Variants in TRPM8 observed in about 807,000 individuals in gnomAD.
The protein encoded by TRPM8 is TRPM8 cationic channel.
In TRPM8, 110 loss-of-function variants were observed where a neutral mutation model predicts 133.7. The ratio of observed to expected loss-of-function variants is 0.82; its 90% CI spans 0.70 to 0.96. The LOEUF is 0.96. Ranked by LOEUF, TRPM8 falls within the 40% of genes least tolerant of loss-of-function variation. The probability of loss-of-function intolerance (pLI) is 0.00; values close to 1 mark genes in which losing one functional copy is unlikely to be tolerated. For missense variants in TRPM8, 1,291 were observed against 1,379.5 expected, an observed-to-expected ratio of 0.94 and a Z score of 1.02; for synonymous variants, 535 against 532.3, an observed-to-expected ratio of 1.01 and a Z score of -0.07.
At chr2:233,937,236 G>A (rs1690775767) in intron 3 of TRPM8, 117 bp from the exon 4 acceptor site, 2 of 1,294,846 alleles carry the variant, frequency 1.5e-6, no homozygotes, top group Non-Finnish European at 2.1e-6. Flanking sequence ...GATGAAAACA[G>A]TCTGAAAATA....
intron 21 of TRPM8, among the ~76,000 whole-genome samples, chr2:233,990,192 A>G (rs1193493693): frequency 6.6e-6 from 1 of 152,270 alleles, no homozygotes; most frequent in Non-Finnish European, 1.5e-5. Flanking sequence ...GCACAGGTTC[A>G]AGTGCTTTAC....
chr2:233,970,916 T>C (rs1477105391), intron 17 of TRPM8, among the ~76,000 whole-genome samples: 1 of 152,178 alleles, frequency 6.6e-6, no homozygotes, highest in Non-Finnish European at 1.5e-5. Flanking sequence ...TTTCTGCAGT[T>C]TCTTGGGACC....
At chr2:233,995,048 T>C (rs984314138) in intron 21 of TRPM8, among the ~76,000 whole-genome samples, 14 of 152,228 alleles carry the variant, frequency 9.2e-5, no homozygotes, top group African/African-American at 2.9e-4. Flanking sequence ...GCTTAAAACA[T>C]TTCCTGCTCC....
At chr2:233,928,975 TA>T (rs1196134038) in intron 2 of TRPM8, among the ~76,000 whole-genome samples, 11 of 151,662 alleles carry the variant, frequency 7.3e-5, no homozygotes, top group Non-Finnish European at 1.6e-4. Flanking sequence ...GTACTATGAG[TA>T]TTTTTTTGTG....
intron 6 of TRPM8, among the ~76,000 whole-genome samples, chr2:233,945,634 A>G (rs1691022051): frequency 6.6e-6 from 1 of 152,206 alleles, no homozygotes. Context: ...CATTTATGAG[A>G]AAATGAGCAC....
rs1692229516 is a variant in TRPM8, at chr2:233,989,783, T to C, written c.2939+3918T>C. On this transcript the variant is annotated intron_variant, in intron 21 of 25. Transcript: ENST00000324695. This position sits in a 1 kb window ranked among gnomAD's most constrained non-coding sequence, Gnocchi z 4.2. ...TGGATGTGAACATCTGTGATTATTCTACATTAAAATTATCGATCACAGGGC... is the reference window on the plus strand; with the variant it reads ...TGGATGTGAACATCTGTGATTATTCCACATTAAAATTATCGATCACAGGGC... Among the ~76,000 whole-genome samples, 1 of 152,210 alleles carries C rather than the reference T, an allele frequency of 6.6e-6. No homozygotes were observed. The highest frequency in any genetic ancestry group is 2.4e-5 in the African/African-American group (1 of 41,456).
intron 11 of TRPM8, among the ~76,000 whole-genome samples, chr2:233,959,848 C>T (rs1050715468): frequency 6.6e-6 from 1 of 151,992 alleles, no homozygotes; most frequent in Non-Finnish European, 1.5e-5. Context: ...GTGGTGTGAT[C>T]TTGGCTCACT....
At chr2:233,932,399 G>T (rs975120057) in intron 3 of TRPM8, among the ~76,000 whole-genome samples, 1 of 152,182 alleles carries the variant, frequency 6.6e-6, no homozygotes, top group African/African-American at 2.4e-5. Flanking sequence ...GGCTCTTAAT[G>T]GTCTTGCTTG....
intron 22 of TRPM8, among the ~76,000 whole-genome samples, chr2:234,002,537 G>A (rs1240991705): frequency 6.6e-6 from 1 of 152,206 alleles, no homozygotes; most frequent in South Asian, 2.1e-4. Flanking sequence ...CCCAGGGCTG[G>A]TGTGGGGAGA....
chr2:233,983,746 T>C (rs1441918526), intron 20 of TRPM8, among the ~76,000 whole-genome samples: 1 of 152,212 alleles, frequency 6.6e-6, no homozygotes, highest in African/African-American at 2.4e-5. Context: ...ATGTAAATTG[T>C]GTGTTTTGGA....
intron 17 of TRPM8, among the ~76,000 whole-genome samples, chr2:233,976,656 G>A (rs1051953009): frequency 6.6e-6 from 1 of 152,088 alleles, no homozygotes; most frequent in Non-Finnish European, 1.5e-5. Flanking sequence ...TTTTAAGAAC[G>A]ATCTTTGAGT....
chr2:234,001,449 A>G lies in TRPM8; in HGVS notation c.3130+4933A>G, dbSNP rs28948676. Among the ~76,000 whole-genome samples, 839 of 123,570 alleles carry G rather than the reference A, an allele frequency of 6.8e-3. 6 individuals are homozygous for G. Among genetic ancestry groups the G allele is most frequent in the African/African-American group, 0.024 (800 of 33,736 alleles). The allele number at this position is 123,570 out of a possible 152,430, so 81.1% of individuals were successfully genotyped here. A position where few individuals can be genotyped will look rare whatever the true frequency, so the allele number is the denominator to read the frequency against. On this transcript the variant is annotated intron_variant, in intron 22 of 25. Coordinates refer to ENST00000324695, the MANE Select transcript of TRPM8 (RefSeq NM_024080.5). Reference sequence around the variant, plus strand: ...CATAAAATGTCTAAGTAGGGGAACAAAAGTTAGAAAGGAACATCATTGAGT... The same window carrying G: ...CATAAAATGTCTAAGTAGGGGAACAGAAGTTAGAAAGGAACATCATTGAGT...
chr2:233,997,284 A>G (rs976639053), intron 22 of TRPM8, among the ~76,000 whole-genome samples: 15 of 152,160 alleles, frequency 9.9e-5, no homozygotes, highest in Admixed American at 7.9e-4. Flanking sequence ...AAAAAAAAAG[A>G]AAGAAAGAAA....
At chr2:233,992,978 T>C in intron 21 of TRPM8, among the ~76,000 whole-genome samples, 1 of 152,176 alleles carries the variant, frequency 6.6e-6, no homozygotes, top group East Asian at 1.9e-4. Flanking sequence ...ATCGCTCCAT[T>C]AGGAGCCCCC....
intron 22 of TRPM8, among the ~76,000 whole-genome samples, chr2:233,997,090 C>A (rs1375947181): frequency 6.6e-6 from 1 of 152,066 alleles, no homozygotes; most frequent in South Asian, 2.1e-4. Flanking sequence ...CACGGTGAAA[C>A]CCCATCTCTA....
intron 24 of TRPM8, among the ~76,000 whole-genome samples, chr2:234,012,476 A>AGTGT (rs931502296): frequency 6.8e-6 from 1 of 146,226 alleles, no homozygotes; most frequent in South Asian, 2.2e-4. Context: ...TGTGTGTGAG[A>AGTGT]GTGTGTGTGT....
intron 3 of TRPM8, among the ~76,000 whole-genome samples, chr2:233,934,655 T>C (rs920314229): frequency 6.6e-6 from 1 of 152,230 alleles, no homozygotes; most frequent in African/African-American, 2.4e-5. Context: ...TTCCTCATTA[T>C]AGAATTTCCT....
chr2:234,010,553 T>G (rs543533961), intron 24 of TRPM8, among the ~76,000 whole-genome samples: 1 of 152,304 alleles, frequency 6.6e-6, no homozygotes, highest in Admixed American at 6.5e-5. Flanking sequence ...TTTGAGGAAC[T>G]TCTATACTGT....
chr2:233,949,022 A>G (rs1691110932), intron 8 of TRPM8, among the ~76,000 whole-genome samples: 1 of 152,240 alleles, frequency 6.6e-6, no homozygotes, highest in Non-Finnish European at 1.5e-5. Flanking sequence ...AGACAGAGCA[A>G]GACTTTGTCT....
Sources: gnomAD v4.1 joint callset for allele counts (sites outside exome capture counted in the v4.1 genomes callset) on GRCh38, gnomAD v4.1.1 for gene constraint, Gnocchi (gnomAD v3.1) non-coding constraint, MANE v1.5 for transcripts, NCBI Gene and HGNC (gene_info 2026-07-23, HGNC 2026-07-21) for gene names.